CTNNA2: variants seen among roughly 807,000 people sequenced by gnomAD.
CTNNA2 encodes the protein catenin alpha 2.
In CTNNA2, 42 loss-of-function variants were observed where a neutral mutation model predicts 101.0. The observed-to-expected ratio is 0.42, with a 90% CI of 0.32 to 0.54. CTNNA2 has a LOEUF of 0.54. Among genes scored for constraint, CTNNA2 ranks in the 20% least tolerant of loss-of-function variants. The probability of loss-of-function intolerance (pLI) is 0.14; values close to 1 mark genes in which losing one functional copy is unlikely to be tolerated. For missense variants in CTNNA2, 871 were observed against 1,223.1 expected, an observed-to-expected ratio of 0.71 and a Z score of 4.29; for synonymous variants, 450 against 456.4, an observed-to-expected ratio of 0.99 and a Z score of 0.18.
chr2:80,092,984 G>T (rs1029120192), intron 7 of CTNNA2, among the ~76,000 whole-genome samples: 19 of 151,742 alleles, frequency 1.3e-4, no homozygotes, highest in African/African-American at 3.9e-4. Flanking sequence ...ATTCTTGAAA[G>T]AATTGTTTCA....
intron 7 of CTNNA2, among the ~76,000 whole-genome samples, chr2:79,977,459 T>C (rs1234664526): frequency 2.0e-5 from 3 of 152,084 alleles, no homozygotes; most frequent in African/African-American, 7.2e-5. Context: ...ACCACGAGAA[T>C]GATCCAGCCC....
At chr2:79,242,050 C>A (rs1449159555) in intron 2 of CTNNA2, among the ~76,000 whole-genome samples, 5 of 152,024 alleles carry the variant, frequency 3.3e-5, no homozygotes, top group Admixed American at 1.3e-4. Flanking sequence ...GGATTACAGG[C>A]CCCCGCCACC....
chr2:79,477,953 T>C lies in CTNNA2; in HGVS notation c.-134-27101T>C, dbSNP rs76732764. Among the ~76,000 whole-genome samples the C allele has an allele frequency of 8.3e-4, 126 of 152,324 alleles. 1 individual carries two copies. The highest frequency in any genetic ancestry group is 3.0e-3 in the African/African-American group (123 of 41,584). On this transcript the variant is annotated intron_variant, in intron 4 of 21. Coordinates refer to the CTNNA2 transcript ENST00000466387. ...CTTCTGCATCTTTTGTAGTTACTTT[T>C]AAGCAATGGAAATCCACAAATTTCA...
intron 12 of CTNNA2, among the ~76,000 whole-genome samples, chr2:80,557,559 A>G (rs1693153004): frequency 6.6e-6 from 1 of 152,194 alleles, no homozygotes; most frequent in Non-Finnish European, 1.5e-5. Flanking sequence ...ACCTAGAGAC[A>G]GGACTCAGTT....
At chr2:79,612,291 A>T (rs1013986701) in intron 1 of CTNNA2, among the ~76,000 whole-genome samples, 1 of 152,140 alleles carries the variant, frequency 6.6e-6, no homozygotes, top group Non-Finnish European at 1.5e-5. Flanking sequence ...TATTTGCTTT[A>T]CTGTCAACTA....
At chr2:80,217,893 T>C (rs1395567424) in intron 7 of CTNNA2, among the ~76,000 whole-genome samples, 4 of 152,216 alleles carry the variant, frequency 2.6e-5, no homozygotes, top group African/African-American at 9.6e-5. Flanking sequence ...AACCTCTGCA[T>C]AGGCCATCAT....
At chr2:80,417,717 T>C (rs1001048990) in intron 8 of CTNNA2, among the ~76,000 whole-genome samples, 3 of 152,068 alleles carry the variant, frequency 2.0e-5, no homozygotes, top group Admixed American at 2.0e-4. Flanking sequence ...TTTGAAATGG[T>C]AGGTTGCAGT....
chr2:79,870,105 G>A (rs1454544892), intron 5 of CTNNA2, among the ~76,000 whole-genome samples, 170 bp downstream of exon 5: 2 of 152,126 alleles, frequency 1.3e-5, no homozygotes, highest in Non-Finnish European at 2.9e-5. Context: ...TGCCTTGGTG[G>A]GCTCTGGACC....
At chr2:79,362,472 C>T (rs4852478) in intron 3 of CTNNA2, among the ~76,000 whole-genome samples, 116,199 of 152,098 alleles carry the variant, frequency 0.76, 44,674 homozygotes, top group East Asian at 0.96. Context: ...AAAAGTGGAC[C>T]AAGGGGCTAC....
intron 12 of CTNNA2, among the ~76,000 whole-genome samples, chr2:80,556,640 A>C (rs757313987): frequency 7.3e-5 from 11 of 150,806 alleles, no homozygotes; most frequent in Non-Finnish European, 1.2e-4. Flanking sequence ...AGAATATATA[A>C]GACTGGCCTG....
At chr2:80,462,224 A>G (rs570552390) in intron 9 of CTNNA2, among the ~76,000 whole-genome samples, 7 of 152,344 alleles carry the variant, frequency 4.6e-5, no homozygotes, top group African/African-American at 1.7e-4. Context: ...GAAGAAAATG[A>G]GTCTCAGGCT....
At chr2:80,467,050 T>G (rs1215370162) in intron 9 of CTNNA2, among the ~76,000 whole-genome samples, 1 of 152,226 alleles carries the variant, frequency 6.6e-6, no homozygotes, top group East Asian at 1.9e-4. Flanking sequence ...AGGCATGCCA[T>G]GTTTACTCAT....
At chr2:79,533,927 T>C (rs549337462) in intron 1 of CTNNA2, among the ~76,000 whole-genome samples, 1 of 152,290 alleles carries the variant, frequency 6.6e-6, no homozygotes, top group South Asian at 2.1e-4. Flanking sequence ...TCGGCCTTGC[T>C]GGAATAACAA....
chr2:79,248,502 C>T (rs984791668), intron 2 of CTNNA2, among the ~76,000 whole-genome samples: 5 of 152,124 alleles, frequency 3.3e-5, no homozygotes, highest in Admixed American at 1.3e-4. Context: ...AGACCAGCCA[C>T]ATTTCCAGTG....
At chr2:79,365,845 T>TC (rs1677738509) in intron 3 of CTNNA2, among the ~76,000 whole-genome samples, 1 of 152,166 alleles carries the variant, frequency 6.6e-6, no homozygotes, top group African/African-American at 2.4e-5. Flanking sequence ...GTCTCCTGGA[T>TC]CGTATGAAAT....
intron 2 of CTNNA2, among the ~76,000 whole-genome samples, chr2:79,280,702 A>AGAGAGAGAGAGG (rs1675353131): frequency 7.5e-6 from 1 of 133,224 alleles, no homozygotes; most frequent in Non-Finnish European, 1.6e-5. Context: ...AGAGAGAGAG[A>AGAGAGAGAGAGG]CCTATAGCTC....
At chr2:80,231,023 G>A (rs929481911) in intron 7 of CTNNA2, among the ~76,000 whole-genome samples, 3 of 151,946 alleles carry the variant, frequency 2.0e-5, no homozygotes, top group Admixed American at 6.6e-5. Context: ...CCAGGCTGGA[G>A]TGCAGTGGTA....
intron 7 of CTNNA2, among the ~76,000 whole-genome samples, chr2:80,031,716 C>T (rs1695301856): frequency 1.3e-5 from 2 of 152,192 alleles, no homozygotes; most frequent in African/African-American, 4.8e-5. Flanking sequence ...AACTATTTTA[C>T]AGTGAAAACA....
At chr2:80,385,780 A>AT (rs1180049944) in intron 7 of CTNNA2, among the ~76,000 whole-genome samples, 5 of 151,082 alleles carry the variant, frequency 3.3e-5, no homozygotes, top group African/African-American at 1.2e-4. Context: ...TGTGGGGTCT[A>AT]TTTTTGGAGA....
Sources: gnomAD v4.1 joint callset for allele counts (sites outside exome capture counted in the v4.1 genomes callset) on GRCh38, gnomAD v4.1.1 for gene constraint, MANE v1.5 for transcripts, NCBI Gene and HGNC (gene_info 2026-07-23, HGNC 2026-07-21) for gene names.